NWD2: variants seen among roughly 807,000 people sequenced by gnomAD.
NWD2 encodes the protein NACHT and WD repeat domain-containing protein 2.
Under a neutral mutation model 132.7 loss-of-function variants are expected in NWD2, and 37 were observed. The observed-to-expected ratio is 0.28, with a 90% CI of 0.21 to 0.37. The LOEUF (loss-of-function observed/expected upper bound fraction) is 0.37. Among genes scored for constraint, NWD2 ranks in the 10% least tolerant of loss-of-function variants. The pLI, the probability that NWD2 is intolerant of heterozygous loss-of-function variation, is 1.00. For synonymous variants in NWD2, 705 were observed against 803.0 expected, an observed-to-expected ratio of 0.88 and a Z score of 2.06; for missense variants, 1,592 against 2,122.4, an observed-to-expected ratio of 0.75 and a Z score of 4.91.
chr4:37,264,474 T>A (rs1426313447), intron 1 of NWD2, among the ~76,000 whole-genome samples: 1 of 152,150 alleles, frequency 6.6e-6, no homozygotes, highest in Non-Finnish European at 1.5e-5. Flanking sequence ...AAACTCGGTG[T>A]TCTGGAGATT....
intron 2 of NWD2, among the ~76,000 whole-genome samples, chr4:37,347,738 A>T (rs954808167): frequency 4.6e-5 from 7 of 152,218 alleles, no homozygotes; most frequent in African/African-American, 1.7e-4. Context: ...ACATTTAAAG[A>T]AGATCAGAGA....
At position 37,244,960 on chromosome 4, in the gene NWD2, C is replaced by T; in HGVS notation, c.-108C>T. On this transcript the variant is annotated 5_prime_UTR_variant, in exon 1 of 7. Coordinates refer to ENST00000309447, the MANE Select transcript of NWD2 (RefSeq NM_001144990.2). The surrounding 1 kb of genome is among the most constrained non-coding windows in gnomAD (Gnocchi z 5.5). ...GGGCTCGGAGCGGCTCTGAGCCGCG[C>T]CGCCTGCTGAGATCGACCGCCTGCT... The T allele has an allele frequency of 7.0e-7, 1 of 1,436,466 alleles. No homozygotes were observed. Among genetic ancestry groups the T allele is most frequent in the Non-Finnish European group, 9.3e-7 (1 of 1,073,672 alleles). The allele number at this position is 1,436,466 out of a possible 1,614,324, so 89.0% of individuals were successfully genotyped here. A position where few individuals can be genotyped will look rare whatever the true frequency, so the allele number is the denominator to read the frequency against.
intron 1 of NWD2, among the ~76,000 whole-genome samples, chr4:37,275,404 C>G (rs937737928): frequency 3.9e-5 from 6 of 152,050 alleles, no homozygotes; most frequent in Non-Finnish European, 5.9e-5. Context: ...GAACTACAAA[C>G]CACTGCTCAA....
At chr4:37,342,714 A>G (rs1719552255) in intron 2 of NWD2, among the ~76,000 whole-genome samples, 1 of 152,206 alleles carries the variant, frequency 6.6e-6, no homozygotes. Flanking sequence ...TCAAGGGTTC[A>G]GTTCTTCCTT....
chr4:37,393,460 A>G (rs1408895769), intron 3 of NWD2, among the ~76,000 whole-genome samples: 2 of 152,202 alleles, frequency 1.3e-5, no homozygotes, highest in African/African-American at 4.8e-5. Context: ...CATGTGATAA[A>G]GAGTGGAGAA....
At chr4:37,387,532 C>T (rs192865593) in intron 3 of NWD2, among the ~76,000 whole-genome samples, 172 of 151,880 alleles carry the variant, frequency 1.1e-3, no homozygotes, top group African/African-American at 3.7e-3. Flanking sequence ...ATATATGAGC[C>T]ATCTGCTTGT....
chr4:37,311,302 C>A (rs923354748), intron 1 of NWD2, among the ~76,000 whole-genome samples: 69 of 152,202 alleles, frequency 4.5e-4, no homozygotes, highest in Non-Finnish European at 8.1e-4. Flanking sequence ...CCTGTTGTTT[C>A]CTGACTTTTT....
At chr4:37,415,421 G>C (rs1190133075) in intron 3 of NWD2, among the ~76,000 whole-genome samples, 1 of 152,130 alleles carries the variant, frequency 6.6e-6, no homozygotes, top group African/African-American at 2.4e-5. Flanking sequence ...ATAGGCAAAA[G>C]AGGCCAGGCA....
intron 1 of NWD2, among the ~76,000 whole-genome samples, chr4:37,274,158 G>A (rs886311946): frequency 2.0e-4 from 31 of 152,032 alleles, no homozygotes; most frequent in Non-Finnish European, 4.1e-4. Flanking sequence ...TTTTCTTAAA[G>A]ATCAACAAAA....
intron 2 of NWD2, among the ~76,000 whole-genome samples, chr4:37,327,993 C>G (rs189211768): frequency 8.5e-5 from 13 of 152,240 alleles, no homozygotes; most frequent in African/African-American, 2.9e-4. Flanking sequence ...GGTTCTTCCC[C>G]TGCTTCACCT....
chr4:37,305,238 A>G (rs1718686000), intron 1 of NWD2, among the ~76,000 whole-genome samples: 1 of 152,214 alleles, frequency 6.6e-6, no homozygotes, highest in Non-Finnish European at 1.5e-5. Flanking sequence ...GTTTCAGGCC[A>G]CGAAACTATT....
rs1031820638 is a variant in NWD2, at chr4:37,444,194, C to T, written c.2206C>T (p.His736Tyr). ...NVTLLVWANR[H>Y]LQLIAQKLYL... ...CACACTCCTAGTCTGGGCCAACAGA[C>T]ACCTGCAGCTCATAGCCCAGAAGCT... The change falls in exon 7 of 7, where the codon CAC becomes TAC. Residue 736 changes from histidine (H) to tyrosine (Y), a missense_variant. Physicochemically the swap from His to Tyr is moderately conservative, Grantham distance 83. Coordinates refer to ENST00000309447, the MANE Select transcript of NWD2 (RefSeq NM_001144990.2). This position sits in a 1 kb window ranked among gnomAD's most constrained non-coding sequence, Gnocchi z 4.8. 2.6e-6 allele frequency: 4 copies of T among 1,551,552 alleles called. No individual in the cohort carries two copies. Among genetic ancestry groups the T allele is most frequent in the East Asian group, 2.4e-5 (1 of 40,934 alleles).
At chr4:37,335,847 T>C (rs1277663182) in intron 2 of NWD2, among the ~76,000 whole-genome samples, 4 of 148,748 alleles carry the variant, frequency 2.7e-5, no homozygotes, top group African/African-American at 7.5e-5. Flanking sequence ...TGCTTTGATA[T>C]AGTACGTGGC....
intron 3 of NWD2, among the ~76,000 whole-genome samples, chr4:37,420,894 C>T (rs543416494): frequency 2.8e-4 from 43 of 152,222 alleles, no homozygotes; most frequent in African/African-American, 8.7e-4. Context: ...TGAATGAATC[C>T]TTGATAACTG....
rs976689623 is a variant in NWD2, at chr4:37,336,143, A to C, written c.240+10119A>C. 2.6e-5 allele frequency among the ~76,000 whole-genome samples: 4 copies of C among 151,962 alleles called. No homozygotes were observed. The East Asian group carries it at 7.7e-4, about 29-fold the overall frequency. ...AGAAGAGTATAGTCATCTTTTTTCA[A>C]ATGAGCATATTTTGTGAAGGTCATT... On this transcript the variant is annotated intron_variant, in intron 2 of 6. Transcript: ENST00000309447.
chr4:37,292,969 G>A (rs767836267), intron 1 of NWD2, among the ~76,000 whole-genome samples: 10 of 152,314 alleles, frequency 6.6e-5, no homozygotes, highest in Non-Finnish European at 1.0e-4. Context: ...GTACCAGTTC[G>A]TGACCTGGGG....
chr4:37,366,727 G>T (rs1244283573), intron 3 of NWD2, among the ~76,000 whole-genome samples: 1 of 151,992 alleles, frequency 6.6e-6, no homozygotes, highest in South Asian at 2.1e-4. Flanking sequence ...TCATATAGTA[G>T]GTTTTAAGTT....
intron 1 of NWD2, among the ~76,000 whole-genome samples, chr4:37,309,993 T>A (rs949798227): frequency 1.3e-5 from 2 of 152,212 alleles, no homozygotes; most frequent in Non-Finnish European, 2.9e-5. Flanking sequence ...GATTTATTTC[T>A]AGTTCACTGC....
chr4:37,367,063 G>C (rs1720117652), intron 3 of NWD2, among the ~76,000 whole-genome samples: 1 of 152,090 alleles, frequency 6.6e-6, no homozygotes, highest in Admixed American at 6.5e-5. Context: ...AAGTGCAAAG[G>C]ATGATCCATC....
Sources: gnomAD v4.1 joint callset for allele counts (sites outside exome capture counted in the v4.1 genomes callset) on GRCh38, gnomAD v4.1.1 for gene constraint, Gnocchi (gnomAD v3.1) non-coding constraint, MANE v1.5 for transcripts, NCBI Gene and HGNC (gene_info 2026-07-23, HGNC 2026-07-21) for gene names.